NSL1: variants seen among roughly 807,000 people sequenced by gnomAD.
NSL1 encodes the protein NSL1 component of MIS12 kinetochore complex.
A neutral mutation model predicts 25.4 loss-of-function variants in NSL1; 11 were observed. The ratio of observed to expected loss-of-function variants is 0.43; its 90% CI spans 0.27 to 0.72. The LOEUF is 0.72. Among genes scored for constraint, NSL1 ranks in the 30% least tolerant of loss-of-function variants. The probability of loss-of-function intolerance (pLI) is 0.19; values close to 1 mark genes in which losing one functional copy is unlikely to be tolerated. For synonymous variants in NSL1, 118 were observed against 120.6 expected, an observed-to-expected ratio of 0.98 and a Z score of 0.14; for missense variants, 330 against 342.7, an observed-to-expected ratio of 0.96 and a Z score of 0.29.
intron 4 of NSL1, among the ~76,000 whole-genome samples, chr1:212,777,667 C>A (rs1302429941): frequency 6.6e-6 from 1 of 152,082 alleles, no homozygotes; most frequent in East Asian, 1.9e-4. Context: ...GCTTGAGGAT[C>A]CTGGTTATAC....
At chr1:212,739,366 G>A (rs951739893) in intron 5 of NSL1, among the ~76,000 whole-genome samples, 168 bp downstream of exon 5, 2 of 152,156 alleles carry the variant, frequency 1.3e-5, no homozygotes, top group Non-Finnish European at 2.9e-5. Context: ...CCTGATAAAT[G>A]GCAGCTATTC....
At chr1:212,778,971 C>G (rs1248678484) in intron 4 of NSL1, among the ~76,000 whole-genome samples, 1 of 148,260 alleles carries the variant, frequency 6.7e-6, no homozygotes, top group African/African-American at 2.5e-5. Context: ...TCTTCCCGGC[C>G]GCCATCCCAT....
intron 4 of NSL1, chr1:212,782,111 G>A: frequency 1.5e-6 from 1 of 687,226 alleles, no homozygotes; most frequent in South Asian, 1.4e-5. Context: ...GTTAGAGATG[G>A]GTATGTGTTA....
chr1:212,727,897 G>A lies in NSL1; in HGVS notation c.*10511C>T. ...ATACTCTCTGTTGCTATGTGTCATT[G>A]AAAAAAAATGAGAAGAACCAACGAG... On this transcript the variant is annotated 3_prime_UTR_variant, in exon 6 of 6. Transcript: ENST00000366977. 6.1e-6 allele frequency: 6 copies of A among 984,762 alleles called. No homozygotes were observed. Among genetic ancestry groups the A allele is most frequent in the Non-Finnish European group, 7.2e-6 (6 of 829,476 alleles). 61.0% of individuals were successfully genotyped at this position (984,762 alleles called of 1,614,324 possible).
In NSL1 at chr1:212,731,394, AC is replaced by A. The variant is rs1235071326; in HGVS notation, c.*7013del. ...AATATGGCGAGACCCCATCTCTAAA[AC>A]AAATAAACTAGCCGGGCATGGTGGC... On this transcript the variant is annotated 3_prime_UTR_variant, in exon 6 of 6. Coordinates refer to ENST00000366977, the MANE Select transcript of NSL1 (RefSeq NM_015471.4). 86 of 984,472 alleles carry A rather than the reference AC, an allele frequency of 8.7e-5. No homozygotes were observed. The highest frequency in any genetic ancestry group is 1.0e-4 in the Non-Finnish European group (85 of 829,216). The allele number at this position is 984,472 out of a possible 1,614,324, so 61.0% of individuals were successfully genotyped here.
chr1:212,745,678 ATTGT>A (rs3049973), intron 4 of NSL1, among the ~76,000 whole-genome samples: 1 of 142,952 alleles, frequency 7.0e-6, no homozygotes, highest in South Asian at 2.2e-4. Flanking sequence ...AACTGAGGGA[ATTGT>A]CTGGACACAG....
intron 4 of NSL1, among the ~76,000 whole-genome samples, chr1:212,754,405 A>G (rs1659202645): frequency 6.6e-6 from 1 of 152,106 alleles, no homozygotes; most frequent in African/African-American, 2.4e-5. Context: ...AAGAACAGGA[A>G]ACGAAGAGAC....
chr1:212,782,465 A>C (rs764481426), intron 3 of NSL1, 39 bp from the exon 4 acceptor site: 9 of 1,340,394 alleles, frequency 6.7e-6, no homozygotes, highest in Non-Finnish European at 7.5e-6. Context: ...TAATCACTTA[A>C]TGCTTCATAT....
Position 212,760,949 on chromosome 1 carries a change from A to G in NSL1, c.500-21348T>C, listed in dbSNP as rs1488816217. 6.6e-6 allele frequency among the ~76,000 whole-genome samples: 1 copy of G among 152,242 alleles called. No homozygotes were observed. Among genetic ancestry groups the G allele is most frequent in the African/African-American group, 2.4e-5 (1 of 41,450 alleles). On this transcript the variant is annotated intron_variant, in intron 4 of 5. Coordinates refer to ENST00000366977, the MANE Select transcript of NSL1 (RefSeq NM_015471.4). This position sits in a 1 kb window ranked among gnomAD's most constrained non-coding sequence, Gnocchi z 4.3. ...CCTATCATACCCTCTAGTACCAACC[A>G]TAGCGTAAGTCACTAAGGAACTCAC... is the stretch of plus-strand genomic sequence containing the variant.
At chr1:212,783,948 C>T (rs1439297342) in intron 3 of NSL1, among the ~76,000 whole-genome samples, 4 of 152,060 alleles carry the variant, frequency 2.6e-5, no homozygotes, top group Admixed American at 2.0e-4. Context: ...CTAAAACAAT[C>T]TTCATCATCA....
In NSL1 at chr1:212,727,213, A is replaced by G. The variant is rs764202611; in HGVS notation, c.*11195T>C. The G allele has an allele frequency of 2.0e-6, 3 of 1,502,598 alleles. No individual in the cohort carries two copies. The highest frequency in any genetic ancestry group is 2.7e-6 in the Non-Finnish European group (3 of 1,123,926). The allele number at this position is 1,502,598 out of a possible 1,614,324, so 93.1% of individuals were successfully genotyped here. On this transcript the variant is annotated 3_prime_UTR_variant, in exon 6 of 6. Coordinates refer to ENST00000366977, the MANE Select transcript of NSL1 (RefSeq NM_015471.4). ...TTAAATGGGGGTGAATGGAATTTAGAAGATCTCTTTTTCTGAAAACTATAT... is the reference window on the plus strand; with the variant it reads ...TTAAATGGGGGTGAATGGAATTTAGGAGATCTCTTTTTCTGAAAACTATAT...
chr1:212,784,497 T>C lies in NSL1; in HGVS notation c.314-4A>G. The C allele has an allele frequency of 6.6e-7, 1 of 1,510,086 alleles. No homozygotes were observed. Among genetic ancestry groups the C allele is most frequent in the South Asian group, 1.3e-5 (1 of 76,860 alleles). The allele number at this position is 1,510,086 out of a possible 1,614,324, so 93.5% of individuals were successfully genotyped here. A position where few individuals can be genotyped will look rare whatever the true frequency, so the allele number is the denominator to read the frequency against. On this transcript the variant is annotated splice_polypyrimidine_tract_variant and splice_region_variant and intron_variant, in intron 2 of 5. Transcript: ENST00000366977. ...TCAAGTACTTTGATGTCAGAATCTA[T>C]TTGAGAAAAAAAAATGTATATATAA...
At chr1:212,764,860 AAAAAAAAAAAAG>A (rs1469116835) in intron 4 of NSL1, among the ~76,000 whole-genome samples, 18 of 141,188 alleles carry the variant, frequency 1.3e-4, no homozygotes, top group Non-Finnish European at 2.6e-4. Context: ...AAAAAAAAAA[AAAAAAAAAAAAG>A]AAAGAAAGAA....
chr1:212,770,849 T>G (rs528117995), intron 4 of NSL1, among the ~76,000 whole-genome samples: 4 of 152,160 alleles, frequency 2.6e-5, no homozygotes, highest in Admixed American at 6.5e-5. Flanking sequence ...TAGATCATAA[T>G]ACACCCTGAT....
intron 4 of NSL1, among the ~76,000 whole-genome samples, chr1:212,769,859 T>A (rs1013317839): frequency 1.2e-4 from 18 of 152,110 alleles, no homozygotes; most frequent in Admixed American, 9.2e-4. Context: ...TCAATAATAA[T>A]AACCTTGAAT....
chr1:212,738,094 A>G lies in NSL1; in HGVS notation c.*314T>C. ...CAGAATTTGTTACTTGTTAAATCCC[A>G]CAAAAGCTACAAGGGAGCTGAGAGT... On this transcript the variant is annotated 3_prime_UTR_variant, in exon 6 of 6. Transcript: ENST00000366977. The G allele has an allele frequency of 1.1e-5, 11 of 1,031,312 alleles. No individual in the cohort carries two copies. The highest frequency in any genetic ancestry group is 1.0e-5 in the Non-Finnish European group (9 of 860,070). 63.9% of individuals were successfully genotyped at this position (1,031,312 alleles called of 1,614,324 possible).
chr1:212,754,630 A>G (rs1300348874), intron 4 of NSL1, among the ~76,000 whole-genome samples: 3 of 151,980 alleles, frequency 2.0e-5, no homozygotes, highest in African/African-American at 7.3e-5. Flanking sequence ...TACAAAAATT[A>G]TCCGGGCGTG....
At chr1:212,761,413 G>T (rs1379325522) in intron 4 of NSL1, among the ~76,000 whole-genome samples, 1 of 152,094 alleles carries the variant, frequency 6.6e-6, no homozygotes. Flanking sequence ...TATTAGGGAG[G>T]AGGATCGCCT....
intron 4 of NSL1, among the ~76,000 whole-genome samples, chr1:212,744,019 T>C (rs6664049): frequency 0.23 from 34,520 of 152,076 alleles, 4,635 homozygotes; most frequent in African/African-American, 0.38. Flanking sequence ...GGAAAAGTGG[T>C]TACCTGGAGG....
Sources: gnomAD v4.1 joint callset for allele counts (sites outside exome capture counted in the v4.1 genomes callset) on GRCh38, gnomAD v4.1.1 for gene constraint, Gnocchi (gnomAD v3.1) non-coding constraint, MANE v1.5 for transcripts, NCBI Gene and HGNC (gene_info 2026-07-23, HGNC 2026-07-21) for gene names.